The following AKT3 variants were observed in gnomAD, a reference collection of about 807,000 sequenced individuals.
AKT3 encodes AKT serine/threonine kinase 3, also known as RAC-gamma serine/threonine-protein kinase.
AKT3 carries 15 observed loss-of-function variants against 65.3 expected under a neutral mutation model. That is an observed-to-expected ratio of 0.23 (90% confidence interval 0.15 to 0.35). AKT3 has a LOEUF of 0.35. Among genes scored for constraint, AKT3 ranks in the 10% least tolerant of loss-of-function variants. The probability of loss-of-function intolerance (pLI) is 1.00; values close to 1 mark genes in which losing one functional copy is unlikely to be tolerated. For synonymous variants in AKT3, 206 were observed against 183.8 expected (o/e 1.12, Z -0.98); for missense variants, 243 against 576.5 (o/e 0.42, Z 5.92).
Position 243,825,130 on chromosome 1 carries a change from T to C in AKT3, c.46+17995A>G, listed in dbSNP as rs550159649. Among the ~76,000 whole-genome samples, 166 of 152,192 alleles carry C rather than the reference T, an allele frequency of 1.1e-3. 1 individual carries two copies. The highest frequency in any genetic ancestry group is 2.1e-3 in the Non-Finnish European group (144 of 68,024). On this transcript the variant is annotated intron_variant, in intron 2 of 13. Coordinates refer to ENST00000673466, the MANE Select transcript of AKT3 (RefSeq NM_005465.7). ...GCATGGATGGAGCTGGAAGCCATTA[T>C]CCTCAGCAAACTAACACAGGAACAG...
chr1:243,563,603 C>A, intron 10 of AKT3, 117 bp downstream of exon 10: 1 of 1,297,976 alleles, frequency 7.7e-7, no homozygotes. Flanking sequence ...AATTTTGATT[C>A]AGGTTGAAAT....
At chr1:243,747,342 A>G (rs1688536097) in intron 2 of AKT3, among the ~76,000 whole-genome samples, 1 of 152,218 alleles carries the variant, frequency 6.6e-6, no homozygotes, top group Non-Finnish European at 1.5e-5. Context: ...TTGAGAATTA[A>G]AAGGGAATTA....
chr1:243,643,845 T>C (rs1270402316), intron 5 of AKT3, among the ~76,000 whole-genome samples: 5 of 152,246 alleles, frequency 3.3e-5, no homozygotes, highest in Non-Finnish European at 5.9e-5. Context: ...TGTGTGGTTA[T>C]AGTCTTAAAA....
At chr1:243,774,674 T>C (rs1009103596) in intron 2 of AKT3, among the ~76,000 whole-genome samples, 8 of 152,206 alleles carry the variant, frequency 5.3e-5, no homozygotes, top group Non-Finnish European at 1.0e-4. Context: ...TAGGATATAC[T>C]ATTTGCTCTA....
At chr1:243,601,350 A>G (rs1194499280) in intron 8 of AKT3, among the ~76,000 whole-genome samples, 1 of 152,154 alleles carries the variant, frequency 6.6e-6, no homozygotes, top group Non-Finnish European at 1.5e-5. Flanking sequence ...GAAGTTCAAT[A>G]TCATTAGTTA....
rs547997381 is a variant in AKT3 at position 243,639,150 on chromosome 1, G to C, written c.430-1408C>G. Among the ~76,000 whole-genome samples the C allele has an allele frequency of 3.7e-4, 56 of 152,212 alleles. 1 individual carries two copies. Among genetic ancestry groups the C allele is most frequent in the African/African-American group, 1.2e-3 (51 of 41,548 alleles). Reference sequence around the variant, plus strand: ...CTTTGATGAAATGAACAAATTGCTTGAAAGTCTCAAGCTTTGAAAGCTCTT... The same window carrying C: ...CTTTGATGAAATGAACAAATTGCTTCAAAGTCTCAAGCTTTGAAAGCTCTT... On this transcript the variant is annotated intron_variant, in intron 5 of 13. Coordinates refer to ENST00000673466, the MANE Select transcript of AKT3 (RefSeq NM_005465.7).
At chr1:243,709,102 T>A (rs1407243675) in intron 2 of AKT3, among the ~76,000 whole-genome samples, 1 of 151,788 alleles carries the variant, frequency 6.6e-6, no homozygotes, top group Non-Finnish European at 1.5e-5. Context: ...GTTTTTTTTT[T>A]ATATACAAAA....
At chr1:243,536,349 T>A (rs1191540351) in intron 12 of AKT3, among the ~76,000 whole-genome samples, 1 of 152,228 alleles carries the variant, frequency 6.6e-6, no homozygotes, top group Non-Finnish European at 1.5e-5. Flanking sequence ...TAGAATTTTT[T>A]ATGGTTTCAG....
intron 12 of AKT3, among the ~76,000 whole-genome samples, chr1:243,530,394 G>C (rs975976467): frequency 6.6e-6 from 1 of 152,064 alleles, no homozygotes; most frequent in Non-Finnish European, 1.5e-5. Flanking sequence ...TAATTACATG[G>C]ACATTAAACA....
chr1:243,563,904 T>C, intron 9 of AKT3, 56 bp from the exon 10 acceptor site: 1 of 1,521,782 alleles, frequency 6.6e-7, no homozygotes, highest in Non-Finnish European at 8.8e-7. Flanking sequence ...AACATGAAAA[T>C]ACCATTTTAA....
intron 2 of AKT3, among the ~76,000 whole-genome samples, chr1:243,825,352 G>A (rs1205099340): frequency 2.6e-5 from 4 of 152,122 alleles, no homozygotes; most frequent in African/African-American, 9.7e-5. Context: ...CATGGCACAC[G>A]TTTACCTATG....
At chr1:243,579,654 C>T (rs1675192396) in intron 8 of AKT3, among the ~76,000 whole-genome samples, 2 of 152,030 alleles carry the variant, frequency 1.3e-5, no homozygotes, top group South Asian at 4.1e-4. Context: ...GGTTTCTGTG[C>T]AACATATTAA....
intron 2 of AKT3, among the ~76,000 whole-genome samples, chr1:243,792,238 T>C (rs1691675009): frequency 1.3e-5 from 2 of 152,186 alleles, no homozygotes; most frequent in Admixed American, 1.3e-4. Context: ...ATGATTCTAA[T>C]AAACATTTTG....
intron 2 of AKT3, among the ~76,000 whole-genome samples, chr1:243,704,878 A>G (rs967823887): frequency 4.6e-5 from 7 of 152,074 alleles, no homozygotes; most frequent in African/African-American, 1.4e-4. Flanking sequence ...AAACACCTGA[A>G]TTTCTCTTTA....
chr1:243,664,962 T>TCA, intron 3 of AKT3, 79 bp from the exon 4 acceptor site: 8 of 727,392 alleles, frequency 1.1e-5, no homozygotes, highest in Non-Finnish European at 1.6e-5. Flanking sequence ...TACAGAGTTC[T>TCA]ATTTTAAACA....
At chr1:243,595,864 T>C (rs1222801341) in intron 8 of AKT3, among the ~76,000 whole-genome samples, 1 of 152,168 alleles carries the variant, frequency 6.6e-6, no homozygotes, top group Non-Finnish European at 1.5e-5. Flanking sequence ...TAATACACTT[T>C]AAGAAACAAT....
intron 3 of AKT3, among the ~76,000 whole-genome samples, chr1:243,681,544 C>G (rs1322500438): frequency 6.6e-6 from 1 of 152,146 alleles, no homozygotes; most frequent in African/African-American, 2.4e-5. Context: ...TGTTCCTTTG[C>G]TCTAGCAGAA....
chr1:243,733,602 T>C (rs1687678736), intron 2 of AKT3, among the ~76,000 whole-genome samples: 1 of 152,162 alleles, frequency 6.6e-6, no homozygotes, highest in South Asian at 2.1e-4. Context: ...AAAATCTATA[T>C]ACAAGTTATA....
chr1:243,492,063 G>GTGGCCTCCA (rs898275643), intron 13 of AKT3, among the ~76,000 whole-genome samples: 2 of 152,036 alleles, frequency 1.3e-5, no homozygotes, highest in African/African-American at 4.8e-5. Flanking sequence ...AGGCTGGCCT[G>GTGGCCTCCA]TGGCCTCCAA....
Sources: gnomAD v4.1 joint callset for allele counts (sites outside exome capture counted in the v4.1 genomes callset) on GRCh38, gnomAD v4.1.1 for gene constraint, MANE v1.5 for transcripts, NCBI Gene and HGNC (gene_info 2026-07-23, HGNC 2026-07-21) for gene names.